TBCK: variants seen among roughly 807,000 people sequenced by gnomAD.
TBCK encodes TBC domain-containing protein kinase-like protein.
Under a neutral mutation model 113.4 loss-of-function variants are expected in TBCK, and 99 were observed. The observed-to-expected ratio is 0.87, with a 90% CI of 0.74 to 1.03. The LOEUF (loss-of-function observed/expected upper bound fraction) is 1.03. TBCK is among the 50% of genes least tolerant of loss of function. The pLI, the probability that TBCK is intolerant of heterozygous loss-of-function variation, is 0.00. For missense variants in TBCK, 1,045 were observed against 1,061.3 expected, an observed-to-expected ratio of 0.98 and a Z score of 0.21; for synonymous variants, 369 against 370.8, an observed-to-expected ratio of 1.00 and a Z score of 0.05.
intron 25 of TBCK, among the ~76,000 whole-genome samples, chr4:106,047,372 G>C (rs1231233416): frequency 1.3e-5 from 2 of 152,124 alleles, no homozygotes; most frequent in African/African-American, 4.8e-5. Flanking sequence ...TCCCTCAACT[G>C]CGTATCAATC....
intron 4 of TBCK, among the ~76,000 whole-genome samples, chr4:106,261,037 A>C (rs917369517): frequency 1.3e-5 from 2 of 152,082 alleles, no homozygotes; most frequent in African/African-American, 4.8e-5. Flanking sequence ...GAGAACAAAA[A>C]TAACTATCAT....
Position 106,268,466 on chromosome 4 carries a change from A to G in TBCK, c.267-6254T>C, listed in dbSNP as rs541197857. Among the ~76,000 whole-genome samples, 5 of 152,200 alleles carry G rather than the reference A, an allele frequency of 3.3e-5. No individual in the cohort carries two copies. In the East Asian group the frequency reaches 9.7e-4, roughly 29 times the overall value. ...AGGTGTTAAAATACATATATAAAAT[A>G]ATATCACACAATGGTACAAGGGGGA... On this transcript the variant is annotated intron_variant, in intron 3 of 25. Coordinates refer to ENST00000394708, the MANE Select transcript of TBCK (RefSeq NM_001163435.3).
chr4:106,148,009 C>A (rs1485288719), intron 23 of TBCK, among the ~76,000 whole-genome samples: 1 of 152,188 alleles, frequency 6.6e-6, no homozygotes, highest in Non-Finnish European at 1.5e-5. Flanking sequence ...ATGGTCGAGG[C>A]TGTAGGGGTG....
intron 23 of TBCK, among the ~76,000 whole-genome samples, chr4:106,128,153 A>G (rs1429350894): frequency 6.6e-6 from 1 of 152,242 alleles, no homozygotes; most frequent in Non-Finnish European, 1.5e-5. Context: ...ATAGCTCATC[A>G]ACTTAATTGG....
chr4:106,122,131 G>A (rs1050999008), intron 23 of TBCK, among the ~76,000 whole-genome samples: 4 of 151,612 alleles, frequency 2.6e-5, no homozygotes. Context: ...CCGCTAGCAA[G>A]ACTAATAAAG....
At chr4:106,120,018 A>G (rs1411548574) in intron 23 of TBCK, among the ~76,000 whole-genome samples, 1 of 152,218 alleles carries the variant, frequency 6.6e-6, no homozygotes, top group Non-Finnish European at 1.5e-5. Context: ...TGAGCGACGC[A>G]GAAGATGGGT....
At chr4:106,310,166 T>C (rs184870996) in intron 1 of TBCK, among the ~76,000 whole-genome samples, 340 of 152,254 alleles carry the variant, frequency 2.2e-3, no homozygotes, top group Non-Finnish European at 3.7e-3. Context: ...AAATCCACTT[T>C]GACAAGAAAC....
At chr4:106,250,314 T>C in intron 7 of TBCK, 104 bp downstream of exon 7, 1 of 731,900 alleles carries the variant, frequency 1.4e-6, no homozygotes, top group Non-Finnish European at 2.3e-6. Context: ...AGGGAGGATA[T>C]TTCAGTGTAC....
chr4:106,269,838 T>G (rs1261534986), intron 3 of TBCK, among the ~76,000 whole-genome samples: 1 of 152,170 alleles, frequency 6.6e-6, no homozygotes, highest in African/African-American at 2.4e-5. Context: ...TAGATAACTT[T>G]TCTTCTCAGC....
At chr4:106,108,212 T>C (rs762329778) in intron 24 of TBCK, among the ~76,000 whole-genome samples, 1 of 152,148 alleles carries the variant, frequency 6.6e-6, no homozygotes, top group South Asian at 2.1e-4. Flanking sequence ...ACTGTGACTA[T>C]TCCAAAAAAA....
At chr4:106,232,468 T>A (rs1278628740) in intron 17 of TBCK, among the ~76,000 whole-genome samples, 1 of 151,288 alleles carries the variant, frequency 6.6e-6, no homozygotes, top group Admixed American at 6.6e-5. Context: ...CAAAAAATAA[T>A]AATGGCAAAG....
rs150411246 is a variant in TBCK at position 106,101,748 on chromosome 4, C to T, written c.2412-6107G>A. Among the ~76,000 whole-genome samples the T allele has an allele frequency of 3.2e-4, 48 of 152,224 alleles. No individual in the cohort carries two copies. In the East Asian group the frequency reaches 8.5e-3, roughly 27 times the overall value. ...GATTTCAAGCAAATGAGTAACATTC[C>T]TTTAAAGTATTGCTGTTTACAGATA... is the stretch of plus-strand genomic sequence containing the variant. On this transcript the variant is annotated intron_variant, in intron 24 of 25. Transcript: ENST00000394708.
intron 24 of TBCK, among the ~76,000 whole-genome samples, chr4:106,099,985 A>G (rs1741359985): frequency 2.0e-5 from 3 of 152,142 alleles, no homozygotes; most frequent in Admixed American, 1.3e-4. Flanking sequence ...ATTCCAACCA[A>G]ACTAAATCAT....
At chr4:106,077,703 G>C (rs142297434) in intron 25 of TBCK, among the ~76,000 whole-genome samples, 1 of 152,030 alleles carries the variant, frequency 6.6e-6, no homozygotes, top group African/African-American at 2.4e-5. Context: ...ACAAACACAC[G>C]ATAACAATGG....
At chr4:106,278,870 C>A (rs1178475572) in intron 3 of TBCK, among the ~76,000 whole-genome samples, 1 of 151,302 alleles carries the variant, frequency 6.6e-6, no homozygotes. Context: ...TTGCAATAAC[C>A]CAAAAAATAA....
chr4:106,051,718 T>C (rs1734833193), intron 25 of TBCK, among the ~76,000 whole-genome samples: 1 of 151,886 alleles, frequency 6.6e-6, no homozygotes, highest in Non-Finnish European at 1.5e-5. Context: ...ACAAGGCAGA[T>C]AAGCATATTT....
intron 23 of TBCK, among the ~76,000 whole-genome samples, chr4:106,119,268 C>T (rs1034139127): frequency 6.6e-6 from 1 of 152,054 alleles, no homozygotes. Flanking sequence ...TAAAACAACA[C>T]TGGAAATGTC....
intron 23 of TBCK, among the ~76,000 whole-genome samples, chr4:106,166,233 C>A (rs11097916): frequency 2.0e-5 from 3 of 151,092 alleles, no homozygotes; most frequent in African/African-American, 7.3e-5. Flanking sequence ...GAACAAAAAT[C>A]AAAAATATTT....
At chr4:106,159,923 G>A (rs1021854559) in intron 23 of TBCK, among the ~76,000 whole-genome samples, 2 of 151,858 alleles carry the variant, frequency 1.3e-5, no homozygotes, top group African/African-American at 4.8e-5. Flanking sequence ...CTGGCATAAA[G>A]GCAGACAGAC....
Sources: allele counts gnomAD v4.1 joint callset (sites outside exome capture counted in the v4.1 genomes callset), GRCh38; gene constraint gnomAD v4.1.1; transcripts MANE v1.5; gene names NCBI Gene and HGNC (gene_info 2026-07-23, HGNC 2026-07-21).